AGBL1: variants seen among roughly 807,000 people sequenced by gnomAD.
The protein encoded by AGBL1 is AGBL carboxypeptidase 1, also known as cytosolic carboxypeptidase 4.
Under a neutral mutation model 118.9 loss-of-function variants are expected in AGBL1, and 130 were observed. The observed-to-expected ratio is 1.09, with a 90% CI of 0.95 to 1.26. The LOEUF is 1.26. Ranked by LOEUF, AGBL1 falls within the 50% of genes most tolerant of loss-of-function variation. AGBL1 has a pLI of 0.00. For synonymous variants in AGBL1, 555 were observed against 478.9 expected (o/e 1.16, Z -2.08); for missense variants, 1,584 against 1,298.1 (o/e 1.22, Z -3.38).
chr15:86,402,215 T>TTTAG (rs1456423452), intron 18 of AGBL1, among the ~76,000 whole-genome samples: 1 of 152,050 alleles, frequency 6.6e-6, no homozygotes, highest in Non-Finnish European at 1.5e-5. Flanking sequence ...TATTTATTTA[T>TTTAG]TTTTACAGCT....
intron 5 of AGBL1, chr15:86,173,343 A>T (rs1259851622): frequency 6.6e-6 from 1 of 151,908 alleles, no homozygotes; most frequent in African/African-American, 2.4e-5. Context: ...TCTGGTTATT[A>T]GTCCCCCGCC....
chr15:86,271,844 A>C (rs1419734091), intron 15 of AGBL1, 138 bp downstream of exon 15: 2 of 768,700 alleles, frequency 2.6e-6, no homozygotes, highest in Non-Finnish European at 4.4e-6. Flanking sequence ...CCTAATGGCC[A>C]GTGTCCGGCC....
At chr15:86,780,075 T>C (rs906873595) in intron 22 of AGBL1, among the ~76,000 whole-genome samples, 1 of 152,228 alleles carries the variant, frequency 6.6e-6, no homozygotes, top group East Asian at 1.9e-4. Context: ...ATCATGAAGC[T>C]ATCCTCCTAT....
intron 5 of AGBL1, among the ~76,000 whole-genome samples, chr15:86,204,547 T>G (rs2077960257): frequency 6.6e-6 from 1 of 151,316 alleles, no homozygotes; most frequent in Middle Eastern, 3.2e-3. Flanking sequence ...TCTCTTCTCT[T>G]CTCTTTGCTT....
At chr15:86,524,761 G>A (rs1471247781) in intron 19 of AGBL1, among the ~76,000 whole-genome samples, 2 of 152,090 alleles carry the variant, frequency 1.3e-5, no homozygotes, top group African/African-American at 4.8e-5. Context: ...TTATTTCCTA[G>A]GAGTCATTCA....
chr15:86,959,071 G>A (rs2141682453), intron 23 of AGBL1, among the ~76,000 whole-genome samples: 1 of 152,070 alleles, frequency 6.6e-6, no homozygotes, highest in South Asian at 2.1e-4. Context: ...TGGAAATGGA[G>A]GGACAAAAAA....
At chr15:86,295,499 T>C in intron 17 of AGBL1, 91 bp downstream of exon 17, 6 of 1,354,824 alleles carry the variant, frequency 4.4e-6, no homozygotes, top group Non-Finnish European at 6.0e-6. Context: ...GATCAAAAGC[T>C]CCATAAAGGG....
At chr15:86,303,930 A>G (rs1277952081) in intron 17 of AGBL1, among the ~76,000 whole-genome samples, 2 of 152,156 alleles carry the variant, frequency 1.3e-5, no homozygotes, top group Non-Finnish European at 2.9e-5. Flanking sequence ...GAGACCTGAG[A>G]AAGACATATA....
chr15:86,301,462 A>G (rs750422242), intron 17 of AGBL1, among the ~76,000 whole-genome samples: 9 of 151,778 alleles, frequency 5.9e-5, no homozygotes, highest in Non-Finnish European at 1.2e-4. Flanking sequence ...AAAATTAACT[A>G]CAAGAGCATA....
intron 22 of AGBL1, among the ~76,000 whole-genome samples, chr15:86,724,982 C>T (rs1339513483): frequency 1.3e-5 from 2 of 152,100 alleles, no homozygotes; most frequent in Admixed American, 1.3e-4. Flanking sequence ...ATAAATAACC[C>T]AGCCTCAAAT....
chr15:86,882,729 C>A (rs2079913572), intron 22 of AGBL1, among the ~76,000 whole-genome samples: 2 of 152,092 alleles, frequency 1.3e-5, no homozygotes, highest in Admixed American at 1.3e-4. Flanking sequence ...TGTCTGGACC[C>A]TTTCTGATAC....
In AGBL1 at chr15:86,522,837, T is replaced by C; in HGVS notation, c.2583T>C (p.Asp861=). ...ACAGATGCTCACTGAGCGGGGAAGA[T>C]TTGAACAGACAATGGCTTTCTCCCA... The part of the protein sequence containing the change: ...GNHRCSLSGE[D]LNRQWLSPSA... Residue 861 remains aspartate (D), a synonymous_variant, in exon 19 of 23, where the codon GAT becomes GAC. Coordinates refer to ENST00000614907, the MANE Select transcript of AGBL1 (RefSeq NM_001386094.1). 1 of 1,613,822 alleles carries C rather than the reference T, an allele frequency of 6.2e-7. No homozygotes were observed. Among genetic ancestry groups the C allele is most frequent in the South Asian group, 1.1e-5 (1 of 91,082 alleles).
chr15:86,151,415 C>G (rs28832340), intron 3 of AGBL1, among the ~76,000 whole-genome samples: 6,260 of 151,810 alleles, frequency 0.041, 429 homozygotes, highest in African/African-American at 0.14. Flanking sequence ...TAAACAGAAG[C>G]AAAGACAAAA....
At position 86,390,537 on chromosome 15, in the gene AGBL1, G is replaced by A. The variant is rs371908489; in HGVS notation, c.2375-6829G>A. Among the ~76,000 whole-genome samples the A allele has an allele frequency of 1.3e-4, 20 of 152,136 alleles. No homozygotes were observed. The East Asian group carries it at 2.5e-3, about 19-fold the overall frequency. ...CAAATTGTGGCATATTCATTGCTAT[G>A]TGGTACCTTGGAATACGACTCAGTG... On this transcript the variant is annotated intron_variant, in intron 17 of 22. Coordinates refer to ENST00000614907, the MANE Select transcript of AGBL1 (RefSeq NM_001386094.1).
intron 17 of AGBL1, among the ~76,000 whole-genome samples, chr15:86,329,538 C>T (rs961931346): frequency 6.6e-6 from 1 of 152,174 alleles, no homozygotes. Context: ...TAGCAAAGCC[C>T]TCTCCACTTC....
At chr15:86,656,117 C>G (rs1423138836) in intron 21 of AGBL1, among the ~76,000 whole-genome samples, 1 of 152,118 alleles carries the variant, frequency 6.6e-6, no homozygotes, top group East Asian at 1.9e-4. Flanking sequence ...TCATGGAGGT[C>G]TTTGTGTGAT....
At chr15:86,610,039 C>A (rs149492315) in intron 21 of AGBL1, among the ~76,000 whole-genome samples, 1 of 152,178 alleles carries the variant, frequency 6.6e-6, no homozygotes, top group African/African-American at 2.4e-5. Flanking sequence ...CATGTCCCCC[C>A]CATCTCCACC....
intron 18 of AGBL1, among the ~76,000 whole-genome samples, chr15:86,435,099 T>C (rs2081985595): frequency 6.6e-6 from 1 of 152,230 alleles, no homozygotes; most frequent in South Asian, 2.1e-4. Context: ...CAGATGGTTC[T>C]TTTCATAATT....
chr15:86,973,373 T>A (rs1475459702), intron 23 of AGBL1, among the ~76,000 whole-genome samples: 1 of 152,022 alleles, frequency 6.6e-6, no homozygotes, highest in Non-Finnish European at 1.5e-5. Flanking sequence ...TGGTGAGAAA[T>A]CTATTTTATG....
Sources: gnomAD v4.1 joint callset for allele counts (sites outside exome capture counted in the v4.1 genomes callset) on GRCh38, gnomAD v4.1.1 for gene constraint, MANE v1.5 for transcripts, NCBI Gene and HGNC (gene_info 2026-07-23, HGNC 2026-07-21) for gene names.